The following CCSER1 variants were observed in gnomAD, a reference collection of about 807,000 sequenced individuals.
CCSER1 encodes serine-rich coiled-coil domain-containing protein 1.
In CCSER1, 41 loss-of-function variants were observed where a neutral mutation model predicts 82.0. The ratio of observed to expected loss-of-function variants is 0.50; its 90% CI spans 0.39 to 0.65. CCSER1 has a LOEUF of 0.65. CCSER1 is among the 30% of genes least tolerant of loss of function. The pLI is 0.00. For synonymous variants in CCSER1, 414 were observed against 383.9 expected (o/e 1.08, Z -0.92); for missense variants, 1,119 against 1,064.2 (o/e 1.05, Z -0.72).
At chr4:90,777,374 A>AT (rs2149592323) in intron 7 of CCSER1, among the ~76,000 whole-genome samples, 1 of 151,340 alleles carries the variant, frequency 6.6e-6, no homozygotes. Context: ...AAAAAAAAAA[A>AT]AAGCCTGTAA....
chr4:90,214,430 C>T (rs1028151111), intron 1 of CCSER1, among the ~76,000 whole-genome samples: 6 of 152,156 alleles, frequency 3.9e-5, no homozygotes, highest in Admixed American at 3.3e-4. Context: ...TGCTGGAGAG[C>T]ACCCAGGGAA....
At chr4:90,699,632 G>A (rs941802715) in intron 6 of CCSER1, among the ~76,000 whole-genome samples, 2 of 152,140 alleles carry the variant, frequency 1.3e-5, no homozygotes, top group Non-Finnish European at 2.9e-5. Flanking sequence ...TTGGTAGGCT[G>A]TTAATCCCTT....
intron 10 of CCSER1, among the ~76,000 whole-genome samples, chr4:91,135,458 C>G (rs900846671): frequency 6.6e-6 from 1 of 152,086 alleles, no homozygotes; most frequent in Non-Finnish European, 1.5e-5. Flanking sequence ...TGAATGGAGT[C>G]AATGTGATAA....
intron 1 of CCSER1, among the ~76,000 whole-genome samples, chr4:90,276,251 T>TTTCTTTCTTTCTTCCC (rs1727659770): frequency 5.3e-4 from 41 of 76,848 alleles, no homozygotes; most frequent in African/African-American, 2.0e-3. Flanking sequence ...TCTTTCTTTC[T>TTTCTTTCTTTCTTCCC]TTCCTTCCTT....
At chr4:90,430,465 A>G (rs953824634) in intron 4 of CCSER1, among the ~76,000 whole-genome samples, 1 of 151,904 alleles carries the variant, frequency 6.6e-6, no homozygotes, top group African/African-American at 2.4e-5. Flanking sequence ...AAATCAATCC[A>G]TATTGTCTTA....
chr4:91,561,639 G>T (rs1367500283), intron 10 of CCSER1, among the ~76,000 whole-genome samples: 1 of 151,450 alleles, frequency 6.6e-6, no homozygotes, highest in African/African-American at 2.4e-5. Flanking sequence ...TCTTGATCTT[G>T]TTCACAGTTA....
chr4:90,908,093 G>A (rs778592121), intron 8 of CCSER1, among the ~76,000 whole-genome samples: 1 of 151,996 alleles, frequency 6.6e-6, no homozygotes, highest in Non-Finnish European at 1.5e-5. Context: ...CCTGCTCTAA[G>A]GAACTTAAAT....
intron 9 of CCSER1, among the ~76,000 whole-genome samples, chr4:90,997,332 G>C (rs1041954777): frequency 5.9e-5 from 9 of 152,040 alleles, no homozygotes; most frequent in African/African-American, 2.2e-4. Flanking sequence ...CTCTGCTTCT[G>C]TTGTCACATC....
intron 6 of CCSER1, among the ~76,000 whole-genome samples, chr4:90,639,893 A>G (rs762774359): frequency 6.6e-5 from 10 of 152,150 alleles, no homozygotes; most frequent in Non-Finnish European, 1.3e-4. Flanking sequence ...TCATGATCAT[A>G]TAGATTCTAT....
intron 5 of CCSER1, among the ~76,000 whole-genome samples, chr4:90,491,805 A>G (rs2153605241): frequency 6.6e-6 from 1 of 152,262 alleles, no homozygotes; most frequent in East Asian, 1.9e-4. Context: ...TTCTGTTTAT[A>G]TGCTGGATTA....
chr4:91,280,209 G>C (rs1227024084), intron 10 of CCSER1, among the ~76,000 whole-genome samples: 1 of 152,240 alleles, frequency 6.6e-6, no homozygotes, highest in Admixed American at 6.5e-5. Flanking sequence ...GGTTTAGGCA[G>C]AGTGATTCTT....
intron 10 of CCSER1, among the ~76,000 whole-genome samples, chr4:91,101,973 A>C (rs1221433290): frequency 6.6e-6 from 1 of 152,170 alleles, no homozygotes; most frequent in Non-Finnish European, 1.5e-5. Flanking sequence ...AGACTGACAA[A>C]AATAAATTTA....
rs540835917 is a variant in CCSER1 at position 91,555,117 on chromosome 4, T to C, written c.2218-43455T>C. On this transcript the variant is annotated intron_variant, in intron 10 of 10. Coordinates refer to ENST00000509176, the MANE Select transcript of CCSER1 (RefSeq NM_001145065.2). ...AATATATGAGGAAAGCTTCTTGCCA[T>C]TGGTCTGCAAAATGATTTTTTTTCA... is the stretch of plus-strand genomic sequence containing the variant. Among the ~76,000 whole-genome samples the C allele has an allele frequency of 1.7e-4, 26 of 151,330 alleles. 1 individual carries two copies. The highest frequency in any genetic ancestry group is 3.3e-4 in the Non-Finnish European group (22 of 67,576).
Position 90,835,433 on chromosome 4 carries a change from T to C in CCSER1, c.2094+19588T>C, listed in dbSNP as rs189514983. 2.5e-4 allele frequency among the ~76,000 whole-genome samples: 38 copies of C among 152,338 alleles called. 1 individual carries two copies. On this transcript the variant is annotated intron_variant, in intron 8 of 10. Transcript: ENST00000509176. ...ATATTTGAGCTTCTAAATGCAATGC[T>C]ATTGGACGTATTTGCCACTTCATAT...
intron 4 of CCSER1, among the ~76,000 whole-genome samples, chr4:90,467,502 G>A (rs1377877375): frequency 6.6e-6 from 1 of 151,956 alleles, no homozygotes; most frequent in African/African-American, 2.4e-5. Context: ...TGGCCAACCT[G>A]GCAAAATCCC....
At chr4:91,081,307 CCA>C (rs1722706214) in intron 9 of CCSER1, among the ~76,000 whole-genome samples, 1 of 152,074 alleles carries the variant, frequency 6.6e-6, no homozygotes, top group Non-Finnish European at 1.5e-5. Context: ...AAGACAAAAA[CCA>C]CATGATTATC....
intron 8 of CCSER1, among the ~76,000 whole-genome samples, chr4:90,843,454 G>A (rs973348484): frequency 6.6e-6 from 1 of 152,150 alleles, no homozygotes; most frequent in Non-Finnish European, 1.5e-5. Context: ...TAATTTATGA[G>A]TTGGGTATCA....
chr4:90,955,296 G>C (rs1020300625), intron 9 of CCSER1, among the ~76,000 whole-genome samples: 1 of 152,168 alleles, frequency 6.6e-6, no homozygotes, highest in African/African-American at 2.4e-5. Flanking sequence ...TTTCGGGAGT[G>C]CTACACTTGT....
At chr4:91,468,777 G>A (rs1229771762) in intron 10 of CCSER1, among the ~76,000 whole-genome samples, 1 of 151,980 alleles carries the variant, frequency 6.6e-6, no homozygotes, top group Non-Finnish European at 1.5e-5. Flanking sequence ...ACTTGGGAGA[G>A]GTGCAATAAT....
Sources: allele counts gnomAD v4.1 joint callset (sites outside exome capture counted in the v4.1 genomes callset), GRCh38; gene constraint gnomAD v4.1.1; transcripts MANE v1.5; gene names NCBI Gene and HGNC (gene_info 2026-07-23, HGNC 2026-07-21).